CALN1: variants seen among roughly 807,000 people sequenced by gnomAD.
The protein encoded by CALN1 is calneuron 1, also known as calcium-binding protein 8.
CALN1 carries 17 observed loss-of-function variants against 30.6 expected under a neutral mutation model. The observed-to-expected ratio is 0.56, with a 90% CI of 0.38 to 0.83. The LOEUF (loss-of-function observed/expected upper bound fraction) is 0.83. Ranked by LOEUF, CALN1 falls within the 40% of genes least tolerant of loss-of-function variation. CALN1 has a pLI of 0.00. For synonymous variants in CALN1, 156 were observed against 131.4 expected (o/e 1.19, Z -1.28); for missense variants, 291 against 354.9 (o/e 0.82, Z 1.45).
At chr7:72,249,327 C>T (rs1165604071) in intron 3 of CALN1, among the ~76,000 whole-genome samples, 1 of 152,168 alleles carries the variant, frequency 6.6e-6, no homozygotes, top group Non-Finnish European at 1.5e-5. Context: ...AAACCATCAT[C>T]GCAACACCAC....
At chr7:72,434,061 G>C (rs759284449) in intron 1 of CALN1, among the ~76,000 whole-genome samples, 2 of 148,600 alleles carry the variant, frequency 1.3e-5, no homozygotes, top group African/African-American at 2.5e-5. Flanking sequence ...CCCTGTTCCT[G>C]AAAGAAAAAA....
intron 5 of CALN1, among the ~76,000 whole-genome samples, chr7:71,887,116 C>T (rs1382309765): frequency 6.6e-6 from 1 of 151,884 alleles, no homozygotes; most frequent in Non-Finnish European, 1.5e-5. Flanking sequence ...GGTTGGGGAG[C>T]GCCGAGGGAT....
At chr7:72,210,777 A>G (rs753360971) in intron 3 of CALN1, among the ~76,000 whole-genome samples, 1 of 152,032 alleles carries the variant, frequency 6.6e-6, no homozygotes, top group Non-Finnish European at 1.5e-5. Context: ...ATGCAAGATG[A>G]GATTTGGGAT....
At chr7:72,448,312 G>A (rs117989119), upstream of CALN1, among the ~76,000 whole-genome samples, 229 of 152,338 alleles carry the variant, frequency 1.5e-3, 3 homozygotes, top group East Asian at 0.029. Flanking sequence ...ACAGGGATGA[G>A]GGGAAGAGCA....
intron 5 of CALN1, among the ~76,000 whole-genome samples, chr7:71,862,430 T>C (rs1208252621): frequency 6.6e-6 from 1 of 152,170 alleles, no homozygotes; most frequent in African/African-American, 2.4e-5. Context: ...TCACGAGATC[T>C]GATGGTTTTA....
At chr7:72,156,936 G>A (rs1470457729) in intron 3 of CALN1, among the ~76,000 whole-genome samples, 1 of 152,178 alleles carries the variant, frequency 6.6e-6, no homozygotes, top group Admixed American at 6.5e-5. Flanking sequence ...TGAGTGTTGA[G>A]AGGATGCCAG....
intron 2 of CALN1, among the ~76,000 whole-genome samples, chr7:72,280,276 C>T (rs1425274583): frequency 6.6e-6 from 1 of 152,212 alleles, no homozygotes; most frequent in East Asian, 1.9e-4. Context: ...AAAAGTAAAA[C>T]AGACACATGG....
At chr7:72,321,492 CA>C (rs1351269196) in intron 2 of CALN1, among the ~76,000 whole-genome samples, 2 of 152,096 alleles carry the variant, frequency 1.3e-5, no homozygotes, top group African/African-American at 4.8e-5. Context: ...CGACAGGAGA[CA>C]ATATTTTGGG....
chr7:72,357,488 G>A (rs1031608595), intron 2 of CALN1, among the ~76,000 whole-genome samples: 1 of 151,894 alleles, frequency 6.6e-6, no homozygotes, highest in Non-Finnish European at 1.5e-5. Flanking sequence ...AGAAAAGTGT[G>A]TGCTGATACC....
intron 5 of CALN1, among the ~76,000 whole-genome samples, chr7:71,978,295 G>T (rs1584662710): frequency 1.8e-5 from 2 of 113,830 alleles, no homozygotes; most frequent in African/African-American, 7.9e-5. Context: ...TTTTTGAGGG[G>T]GAGTCTTGCT....
chr7:72,076,147 G>T (rs957615675), intron 4 of CALN1, among the ~76,000 whole-genome samples: 2 of 152,100 alleles, frequency 1.3e-5, no homozygotes, highest in Non-Finnish European at 2.9e-5. Context: ...ATTTCAAAAT[G>T]TGAAACTGCA....
chr7:72,105,180 C>T (rs1045321995), intron 4 of CALN1, among the ~76,000 whole-genome samples: 9 of 152,150 alleles, frequency 5.9e-5, no homozygotes, highest in Admixed American at 2.0e-4. Flanking sequence ...GGCTACACCC[C>T]GGCACTGCTG....
intron 3 of CALN1, among the ~76,000 whole-genome samples, chr7:72,185,588 T>C (rs576920847): frequency 3.9e-5 from 6 of 152,278 alleles, no homozygotes; most frequent in African/African-American, 1.4e-4. Context: ...GTTAAGGATT[T>C]TGATATAGAG....
chr7:71,817,666 C>T (rs2116283384), intron 5 of CALN1, among the ~76,000 whole-genome samples: 1 of 152,232 alleles, frequency 6.6e-6, no homozygotes, highest in South Asian at 2.1e-4. Flanking sequence ...CAGGCGCCCA[C>T]CACCATGCCC....
At chr7:71,991,504 C>T (rs1050012439) in intron 5 of CALN1, among the ~76,000 whole-genome samples, 2 of 151,366 alleles carry the variant, frequency 1.3e-5, no homozygotes, top group Non-Finnish European at 2.9e-5. Flanking sequence ...GGATGGAAGG[C>T]CTGTGCCTAC....
intron 3 of CALN1, among the ~76,000 whole-genome samples, chr7:72,269,559 T>G (rs369982792): frequency 2.0e-5 from 3 of 152,282 alleles, no homozygotes; most frequent in East Asian, 3.9e-4. Flanking sequence ...AAAACCTCAT[T>G]AGTACTCCAG....
chr7:71,817,147 G>A (rs1788312785), intron 5 of CALN1, among the ~76,000 whole-genome samples: 11 of 152,114 alleles, frequency 7.2e-5, no homozygotes, highest in Admixed American at 7.2e-4. Flanking sequence ...TGTACCCCAT[G>A]CCAACAAGCC....
chr7:71,840,958 A>G (rs773355484), intron 5 of CALN1, among the ~76,000 whole-genome samples: 20 of 67,268 alleles, frequency 3.0e-4, no homozygotes, highest in East Asian at 1.3e-3. Context: ...TTTTCTTTGG[A>G]AAAAAAAAAA....
chr7:71,897,522 C>T (rs940050440), intron 5 of CALN1, among the ~76,000 whole-genome samples: 2 of 152,040 alleles, frequency 1.3e-5, no homozygotes, highest in Admixed American at 1.3e-4. Flanking sequence ...TCACCTTGAG[C>T]CTCTGGAAAC....
Sources: allele counts gnomAD v4.1 joint callset (sites outside exome capture counted in the v4.1 genomes callset), GRCh38; gene constraint gnomAD v4.1.1; transcripts MANE v1.5; gene names NCBI Gene and HGNC (gene_info 2026-07-23, HGNC 2026-07-21).